SLC39A14: variants seen among roughly 807,000 people sequenced by gnomAD.
SLC39A14 encodes the protein metal cation symporter ZIP14.
A neutral mutation model predicts 45.5 loss-of-function variants in SLC39A14; 19 were observed. That is an observed-to-expected ratio of 0.42 (90% CI 0.29 to 0.61). The LOEUF (loss-of-function observed/expected upper bound fraction) is 0.61. Among genes scored for constraint, SLC39A14 ranks in the 20% least tolerant of loss-of-function variants. The pLI, the probability that SLC39A14 is intolerant of heterozygous loss-of-function variation, is 0.22. For synonymous variants in SLC39A14, 264 were observed against 251.3 expected (o/e 1.05, Z -0.48); for missense variants, 447 against 616.5 (o/e 0.73, Z 2.91).
chr8:22,382,637 A>G (rs1157289359), intron 1 of SLC39A14, among the ~76,000 whole-genome samples: 1 of 152,170 alleles, frequency 6.6e-6, no homozygotes, highest in African/African-American at 2.4e-5. Context: ...CGGGCACTGC[A>G]CTACAGCCTG....
downstream of SLC39A14, among the ~76,000 whole-genome samples, chr8:22,427,053 G>A (rs754547431): frequency 6.6e-6 from 1 of 151,752 alleles, no homozygotes. Context: ...AGCACTTTGG[G>A]AGGCCAAGAC....
In SLC39A14 at chr8:22,367,739, T is replaced by C. The variant is rs1171615873; in HGVS notation, c.-16+331T>C. ...GGACACGGACGCAGAACGCAGACAG[T>C]AGGTGGCCAATCCGAGGGGCGGCTC... On this transcript the variant is annotated intron_variant, in intron 1 of 8. Coordinates refer to ENST00000381237, the MANE Select transcript of SLC39A14 (RefSeq NM_001128431.4). The surrounding 1 kb of genome is among the most constrained non-coding windows in gnomAD (Gnocchi z 4.2). 6.6e-6 allele frequency: 1 copy of C among 152,246 alleles called. No individual in the cohort carries two copies. The allele number at this position is 152,246 out of a possible 1,614,324, so 9.4% of individuals were successfully genotyped here. A position where few individuals can be genotyped will look rare whatever the true frequency, so the allele number is the denominator to read the frequency against.
At chr8:22,368,144 G>C (rs923998497) in intron 1 of SLC39A14, among the ~76,000 whole-genome samples, 1 of 152,228 alleles carries the variant, frequency 6.6e-6, no homozygotes, top group African/African-American at 2.4e-5. Flanking sequence ...TCTCTAAACA[G>C]TTAAAGGGCT....
In SLC39A14 at chr8:22,404,687, C is replaced by G. The variant is rs532186621; in HGVS notation, c.-15-9C>G. Reference sequence around the variant, plus strand: ...AGGCCTCAGCTTCACCTGCCTTTTTCTCTCACAGGTTTATTCAGTCACCAT... The same window carrying G: ...AGGCCTCAGCTTCACCTGCCTTTTTGTCTCACAGGTTTATTCAGTCACCAT... On this transcript the variant is annotated splice_polypyrimidine_tract_variant and intron_variant, in intron 1 of 8. Transcript: ENST00000381237. 11 of 1,601,134 alleles carry G rather than the reference C, an allele frequency of 6.9e-6. No homozygotes were observed. In the South Asian group the frequency reaches 1.1e-4, roughly 16 times the overall value.
At chr8:22,399,894 C>T (rs1396461623) in intron 1 of SLC39A14, among the ~76,000 whole-genome samples, 1 of 152,188 alleles carries the variant, frequency 6.6e-6, no homozygotes, top group Non-Finnish European at 1.5e-5. Flanking sequence ...GAAGTTACAG[C>T]GGTTAAGTTT....
intron 1 of SLC39A14, among the ~76,000 whole-genome samples, chr8:22,375,597 T>C (rs2132169810): frequency 6.6e-6 from 1 of 152,218 alleles, no homozygotes; most frequent in African/African-American, 2.4e-5. Flanking sequence ...GCAATTCTCC[T>C]GCCTCAGCGC....
At chr8:22,369,646 G>A (rs1832826023) in intron 1 of SLC39A14, among the ~76,000 whole-genome samples, 1 of 152,194 alleles carries the variant, frequency 6.6e-6, no homozygotes. Flanking sequence ...CTTGAAAGAC[G>A]GGAATAATTC....
Position 22,419,741 on chromosome 8 carries a change from C to T in SLC39A14, c.*43C>T. ...GTGGGACTGGAAGTCGGGCCCTGGG[C>T]TGCCCGATCGCCAGCCCGAGGACTT... On this transcript the variant is annotated 3_prime_UTR_variant, in exon 9 of 9. Coordinates refer to ENST00000381237, the MANE Select transcript of SLC39A14 (RefSeq NM_001128431.4). 6.5e-7 allele frequency: 1 copy of T among 1,530,954 alleles called. No individual in the cohort carries two copies. 94.8% of individuals were successfully genotyped at this position (1,530,954 alleles called of 1,614,324 possible). A position where few individuals can be genotyped will look rare whatever the true frequency, so the allele number is the denominator to read the frequency against.
rs1835114321 is a variant in SLC39A14 at position 22,404,814 on chromosome 8, C to T, written c.104C>T (p.Ala35Val). 3 of 1,613,598 alleles carry T rather than the reference C, an allele frequency of 1.9e-6. No homozygotes were observed. Among genetic ancestry groups the T allele is most frequent in the East Asian group, 4.5e-5 (2 of 44,882 alleles). The change falls in exon 2 of 9, where the codon GCA becomes GTA. Residue 35 changes from alanine (A) to valine (V), a missense_variant. By Grantham distance (64) the Ala-to-Val change is moderately conservative. Transcript: ENST00000381237. ...TPEAHASSLGAPAISAASFLQ... is the reference protein window; with the variant it reads ...TPEAHASSLGVPAISAASFLQ... ...GAGGCTCACGCTTCATCCCTGGGTG[C>T]ACCAGCTATCAGCGCTGCCTCCTTC... is the stretch of plus-strand genomic sequence containing the variant.
At chr8:22,379,775 A>G (rs1375488150) in intron 1 of SLC39A14, among the ~76,000 whole-genome samples, 1 of 152,010 alleles carries the variant, frequency 6.6e-6, no homozygotes, top group African/African-American at 2.4e-5. Flanking sequence ...CTAAAAATAC[A>G]AAAATTAGCT....
chr8:22,377,075 G>A (rs894359899), intron 1 of SLC39A14, among the ~76,000 whole-genome samples: 1 of 152,010 alleles, frequency 6.6e-6, no homozygotes, highest in Non-Finnish European at 1.5e-5. Flanking sequence ...TTTCCCTCTT[G>A]TACATTTATT....
Position 22,420,816 on chromosome 8 carries a change from T to C in SLC39A14, c.*1118T>C, listed in dbSNP as rs1265380462. ...AAGGGCACAAACTTCACTTAGGGCA[T>C]CGCAGATGTTTGCAGAATGGTTGGC... is the stretch of plus-strand genomic sequence containing the variant. On this transcript the variant is annotated 3_prime_UTR_variant, in exon 9 of 9. Transcript: ENST00000381237. 1.9e-5 allele frequency: 19 copies of C among 985,340 alleles called. No homozygotes were observed. Among genetic ancestry groups the C allele is most frequent in the Non-Finnish European group, 2.0e-5 (17 of 829,942 alleles). The allele number at this position is 985,340 out of a possible 1,614,324, so 61.0% of individuals were successfully genotyped here. A position where few individuals can be genotyped will look rare whatever the true frequency, so the allele number is the denominator to read the frequency against.
In SLC39A14 at chr8:22,422,397, A is replaced by C. The variant is rs542545972; in HGVS notation, c.*2699A>C. On this transcript the variant is annotated 3_prime_UTR_variant, in exon 9 of 9. Coordinates refer to ENST00000381237, the MANE Select transcript of SLC39A14 (RefSeq NM_001128431.4). ...TCCTTAACCTTGGGTTTTAAAAAGA[A>C]GGCTTCTCTGTTTGGGTAGCGTAAG... is the stretch of plus-strand genomic sequence containing the variant. 3 of 985,848 alleles carry C rather than the reference A, an allele frequency of 3.0e-6. No individual in the cohort carries two copies. In the Admixed American group the frequency reaches 1.8e-4, roughly 61 times the overall value. 61.1% of individuals were successfully genotyped at this position (985,848 alleles called of 1,614,324 possible).
intron 8 of SLC39A14, among the ~76,000 whole-genome samples, chr8:22,431,206 C>A (rs1836461674): frequency 6.6e-6 from 1 of 151,834 alleles, no homozygotes; most frequent in Admixed American, 6.6e-5. Context: ...CCAGGATAGT[C>A]TCGATCGCCT....
At chr8:22,408,605 AC>A in intron 3 of SLC39A14, 109 bp downstream of exon 3, 1 of 1,043,950 alleles carries the variant, frequency 9.6e-7, no homozygotes, top group Non-Finnish European at 1.4e-6. Context: ...ACCAGTGATG[AC>A]CAGGATGAGG....
intron 1 of SLC39A14, among the ~76,000 whole-genome samples, chr8:22,397,163 T>A (rs962795074): frequency 1.3e-5 from 2 of 152,188 alleles, no homozygotes; most frequent in African/African-American, 4.8e-5. Flanking sequence ...TTGCTTGTGG[T>A]CCTACCGAAA....
chr8:22,375,402 G>C (rs1046378602), intron 1 of SLC39A14, among the ~76,000 whole-genome samples: 6 of 150,330 alleles, frequency 4.0e-5, no homozygotes, highest in African/African-American at 1.5e-4. Flanking sequence ...TTTTTTTTTG[G>C]GGGGAGGGGA....
chr8:22,423,812 C>CTCTCTCTCTCTCTCTCTCTCTCTCTCAT (rs1554523073), downstream of SLC39A14, among the ~76,000 whole-genome samples: 1 of 138,888 alleles, frequency 7.2e-6, no homozygotes, highest in Admixed American at 6.9e-5. Context: ...CTCTCTCTCT[C>CTCTCTCTCTCTCTCTCTCTCTCTCTCAT]ATCTATCTTC....
Position 22,416,264 on chromosome 8 carries a change from G to A in SLC39A14, c.1131G>A (p.Glu377=), listed in dbSNP as rs1435224715. The A allele has an allele frequency of 1.2e-6, 2 of 1,612,888 alleles. No individual in the cohort carries two copies. Among genetic ancestry groups the A allele is most frequent in the Non-Finnish European group, 1.7e-6 (2 of 1,180,004 alleles). The change falls in exon 7 of 9, where the codon GAG becomes GAA. Residue 377 remains glutamate, a synonymous_variant. Coordinates refer to ENST00000381237, the MANE Select transcript of SLC39A14 (RefSeq NM_001128431.4). ...CCTCGGTGGCCATCCTCTGTGAGGA[G>A]TTCCCACATGAGCTAGGTAAGCGTG... ...ISTSVAILCE[E]FPHELGDFVI...
Sources: gnomAD v4.1 joint callset for allele counts (sites outside exome capture counted in the v4.1 genomes callset) on GRCh38, gnomAD v4.1.1 for gene constraint, Gnocchi (gnomAD v3.1) non-coding constraint, MANE v1.5 for transcripts, NCBI Gene and HGNC (gene_info 2026-07-23, HGNC 2026-07-21) for gene names.